Variants in PPM1H observed in about 807,000 individuals in gnomAD.
The protein encoded by PPM1H is protein phosphatase 1H.
Under a neutral mutation model 54.9 loss-of-function variants are expected in PPM1H, and 27 were observed. The ratio of observed to expected loss-of-function variants is 0.49; its 90% CI spans 0.36 to 0.68. PPM1H has a LOEUF of 0.68. Ranked by LOEUF, PPM1H falls within the 30% of genes least tolerant of loss-of-function variation. The pLI is 0.00. For synonymous variants in PPM1H, 305 were observed against 270.8 expected, an observed-to-expected ratio of 1.13 and a Z score of -1.24; for missense variants, 596 against 667.8, an observed-to-expected ratio of 0.89 and a Z score of 1.19.
intron 1 of PPM1H, among the ~76,000 whole-genome samples, chr12:62,871,628 T>C (rs1869988865): frequency 6.6e-6 from 1 of 150,690 alleles, no homozygotes; most frequent in African/African-American, 2.4e-5. Context: ...CATCCTCCCA[T>C]CTCAGCCTCC....
At chr12:62,715,999 A>G (rs2076232632) in intron 6 of PPM1H, among the ~76,000 whole-genome samples, 1 of 152,188 alleles carries the variant, frequency 6.6e-6, no homozygotes, top group South Asian at 2.1e-4. Flanking sequence ...ATCATGTCTA[A>G]TTATCCTAAA....
Position 62,695,318 on chromosome 12 carries a change from A to G in PPM1H, c.1074-1319T>C, listed in dbSNP as rs559276120. 2.0e-5 allele frequency among the ~76,000 whole-genome samples: 3 copies of G among 152,190 alleles called. No homozygotes were observed. The South Asian group carries it at 6.2e-4, about 32-fold the overall frequency. ...CTTTGGTATAGCCCTGCACAAGTAG[A>G]TGTGCTCTCAGTCCCTCAGGATCCT... is the stretch of plus-strand genomic sequence containing the variant. On this transcript the variant is annotated intron_variant, in intron 6 of 9. Transcript: ENST00000228705.
chr12:62,772,410 G>A (rs1176146725), intron 4 of PPM1H, among the ~76,000 whole-genome samples: 9 of 152,130 alleles, frequency 5.9e-5, no homozygotes, highest in African/African-American at 2.2e-4. Context: ...GAGAGCTACT[G>A]TGCACTTTAG....
chr12:62,811,146 CAAG>C (rs1473712060), intron 2 of PPM1H, among the ~76,000 whole-genome samples: 3 of 152,134 alleles, frequency 2.0e-5, no homozygotes, highest in Admixed American at 1.3e-4. Context: ...GAAGGGATAG[CAAG>C]AAGGAGTTCT....
rs539558927 is a variant in PPM1H at position 62,920,491 on chromosome 12, T to G, written c.245+14001A>C. ...ACAGGTGCACCTGAATGAGGTTTTT[T>G]TTTTTTTTTTTGTGGAGACTGGGTC... On this transcript the variant is annotated intron_variant, in intron 1 of 9. Transcript: ENST00000228705. Among the ~76,000 whole-genome samples, 447 of 151,064 alleles carry G rather than the reference T, an allele frequency of 3.0e-3. 1 individual carries two copies. The highest frequency in any genetic ancestry group is 0.01 in the African/African-American group (427 of 41,150).
chr12:62,867,562 C>CTTTTTTTT (rs1481926545), intron 1 of PPM1H, among the ~76,000 whole-genome samples: 3 of 101,880 alleles, frequency 2.9e-5, no homozygotes, highest in African/African-American at 1.4e-4. Context: ...CTTATGAGCA[C>CTTTTTTTT]TATTTTTTTT....
chr12:62,893,505 G>A (rs747889141), intron 1 of PPM1H, among the ~76,000 whole-genome samples: 9 of 151,946 alleles, frequency 5.9e-5, no homozygotes, highest in Non-Finnish European at 1.3e-4. Context: ...TGCCCTAGCT[G>A]AAGTGCAATG....
At chr12:62,925,959 T>C (rs904761140) in intron 1 of PPM1H, among the ~76,000 whole-genome samples, 2 of 152,226 alleles carry the variant, frequency 1.3e-5, no homozygotes, top group African/African-American at 4.8e-5. Context: ...GAGTTATCTA[T>C]AGTAGTAGAA....
chr12:62,931,948 T>C (rs760029336), intron 1 of PPM1H, among the ~76,000 whole-genome samples: 5 of 152,114 alleles, frequency 3.3e-5, no homozygotes, highest in Non-Finnish European at 1.5e-5. Flanking sequence ...TATGAGTCTA[T>C]TTTGAGAAGA....
rs555796900 is a variant in PPM1H, at chr12:62,673,832, C to T, written c.1246-6503G>A. 3.4e-5 allele frequency among the ~76,000 whole-genome samples: 5 copies of T among 147,988 alleles called. No homozygotes were observed. The East Asian group carries it at 1.0e-3, about 30-fold the overall frequency. ...CCTCAACCTGCCACACTCAAGCAAC[C>T]CTCCCATCTCAGCCTTTCAAGTAGC... On this transcript the variant is annotated intron_variant, in intron 8 of 9. Transcript: ENST00000228705.
intron 4 of PPM1H, among the ~76,000 whole-genome samples, chr12:62,751,573 A>G (rs1183403648): frequency 6.6e-6 from 1 of 152,248 alleles, no homozygotes; most frequent in African/African-American, 2.4e-5. Context: ...CACATTATAC[A>G]TCTGACGAAA....
intron 9 of PPM1H, among the ~76,000 whole-genome samples, chr12:62,655,992 A>G (rs2075842017): frequency 6.6e-6 from 1 of 152,202 alleles, no homozygotes; most frequent in Admixed American, 6.5e-5. Context: ...GGGAGCAGAG[A>G]AAGGACAGCA....
chr12:62,659,650 AACAAAAGCCCAACAATCAAACG>A (rs1278719945), intron 9 of PPM1H, among the ~76,000 whole-genome samples: 1 of 152,162 alleles, frequency 6.6e-6, no homozygotes, highest in Non-Finnish European at 1.5e-5. Flanking sequence ...AGGCAACATA[AACAAAAGCCCAACAATCAAACG>A]ACAAAAGCCC....
intron 8 of PPM1H, among the ~76,000 whole-genome samples, chr12:62,680,208 TTCTCTCTTTCTCCCTTTCTCTCTC>T (rs1265111344): frequency 2.0e-5 from 3 of 152,060 alleles, no homozygotes; most frequent in African/African-American, 7.2e-5. Flanking sequence ...ATTTCTCCTT[TTCTCTCTTTCTCCCTTTCTCTCTC>T]TCTCTCTTTC....
Position 62,737,449 on chromosome 12 carries a change from T to G in PPM1H, c.954+53A>C. On this transcript the variant is annotated intron_variant, in intron 5 of 9. Coordinates refer to ENST00000228705, the MANE Select transcript of PPM1H (RefSeq NM_020700.2). ...TAGCAACGTGTTCCTCCAGAACAGC[T>G]CCGATGCCATCCCTGATGCCACTGC... 3.9e-6 allele frequency: 5 copies of G among 1,298,464 alleles called. No individual in the cohort carries two copies. The South Asian group carries it at 4.0e-5, about 10-fold the overall frequency. The allele number at this position is 1,298,464 out of a possible 1,614,324, so 80.4% of individuals were successfully genotyped here. A position where few individuals can be genotyped will look rare whatever the true frequency, so the allele number is the denominator to read the frequency against.
In PPM1H at chr12:62,667,653, C is replaced by A. The variant is rs149884076; in HGVS notation, c.1246-324G>T. Among the ~76,000 whole-genome samples, 24 of 152,238 alleles carry A rather than the reference C, an allele frequency of 1.6e-4. No individual in the cohort carries two copies. In the East Asian group the frequency reaches 4.4e-3, roughly 28 times the overall value. ...GATTTATAAGTGGATTTTATGCTAGCCAGAAGATCAGCAGTGAGCTTGTTT... is the reference window on the plus strand; with the variant it reads ...GATTTATAAGTGGATTTTATGCTAGACAGAAGATCAGCAGTGAGCTTGTTT... On this transcript the variant is annotated intron_variant, in intron 8 of 9. Transcript: ENST00000228705.
chr12:62,918,591 G>A (rs896442823), intron 1 of PPM1H, among the ~76,000 whole-genome samples: 1 of 152,134 alleles, frequency 6.6e-6, no homozygotes, highest in Admixed American at 6.5e-5. Context: ...TATTAGGAAA[G>A]TCCATTTTGA....
At chr12:62,919,182 A>G (rs930545668) in intron 1 of PPM1H, among the ~76,000 whole-genome samples, 5 of 152,240 alleles carry the variant, frequency 3.3e-5, no homozygotes, top group Admixed American at 2.6e-4. Context: ...AGAAAATAAA[A>G]CTATTAAAAG....
intron 4 of PPM1H, among the ~76,000 whole-genome samples, chr12:62,744,020 A>G (rs2076396419): frequency 6.6e-6 from 1 of 152,196 alleles, no homozygotes; most frequent in Non-Finnish European, 1.5e-5. Context: ...TGCTAAAGAA[A>G]TAAAAGACTC....
Sources: allele counts gnomAD v4.1 joint callset (sites outside exome capture counted in the v4.1 genomes callset), GRCh38; gene constraint gnomAD v4.1.1; transcripts MANE v1.5; gene names NCBI Gene and HGNC (gene_info 2026-07-23, HGNC 2026-07-21).